Variants in LTBP1 observed in about 807,000 individuals in gnomAD.
The protein encoded by LTBP1 is latent transforming growth factor beta binding protein 1, also known as latent-transforming growth factor beta-binding protein 1.
Under a neutral mutation model 207.6 loss-of-function variants are expected in LTBP1, and 129 were observed. The observed-to-expected ratio is 0.62, with a 90% CI of 0.54 to 0.72. The LOEUF (loss-of-function observed/expected upper bound fraction) is 0.72, where lower values mean the gene tolerates loss of function less well. Among genes scored for constraint, LTBP1 ranks in the 30% least tolerant of loss-of-function variants. The pLI, the probability that LTBP1 is intolerant of heterozygous loss-of-function variation, is 0.00. For missense variants in LTBP1, 2,281 were observed against 2,217.2 expected, an observed-to-expected ratio of 1.03 and a Z score of -0.58; for synonymous variants, 963 against 833.7, an observed-to-expected ratio of 1.16 and a Z score of -2.67.
chr2:32,947,469 C>T lies in LTBP1; in HGVS notation c.145C>T (p.Pro49Ser). 6.9e-6 allele frequency: 10 copies of T among 1,444,820 alleles called. No individual in the cohort carries two copies. Among genetic ancestry groups the T allele is most frequent in the Non-Finnish European group, 8.2e-6 (9 of 1,102,246 alleles). The allele number at this position is 1,444,820 out of a possible 1,614,324, so 89.5% of individuals were successfully genotyped here. ...CGGCGCCTTGCCCCTGAGCGGGCCC[C>T]CGCGTTCGCGGACATTCAACGTCGC... is the stretch of plus-strand genomic sequence containing the variant. ...AAGALPLSGP[P>S]RSRTFNVALN... The change falls in exon 1 of 34, where the codon CCG becomes TCG. Residue 49 changes from proline (P) to serine (S), a missense_variant. Transcript: ENST00000404816.
chr2:33,220,476 G>A (rs2091031360), intron 8 of LTBP1, among the ~76,000 whole-genome samples: 1 of 152,124 alleles, frequency 6.6e-6, no homozygotes. Flanking sequence ...TTTTAAATCT[G>A]CAAATGATTT....
rs779168923 is a variant in LTBP1 at position 32,975,583 on chromosome 2, GT to G, written c.565+26676del. Among the ~76,000 whole-genome samples, 89 of 31,370 alleles carry G rather than the reference GT, an allele frequency of 2.8e-3. 1 individual carries two copies. The highest frequency in any genetic ancestry group is 0.011 in the African/African-American group (83 of 7,276). 20.6% of individuals were successfully genotyped at this position (31,370 alleles called of 152,430 possible). A position where few individuals can be genotyped will look rare whatever the true frequency, so the allele number is the denominator to read the frequency against. ...TTGTTGGAGGTTTCATTCATTCTTT[GT>G]TTTTTTTTTTTTTTTTTTTTTTTTT... is the stretch of plus-strand genomic sequence containing the variant. On this transcript the variant is annotated intron_variant, in intron 2 of 33. Coordinates refer to ENST00000404816, the MANE Select transcript of LTBP1 (RefSeq NM_206943.4).
At chr2:33,199,148 C>T (rs577962827) in intron 7 of LTBP1, among the ~76,000 whole-genome samples, 81 of 152,138 alleles carry the variant, frequency 5.3e-4, no homozygotes, top group Middle Eastern at 3.4e-3. Context: ...GCCTTCATTT[C>T]GTTATGTACC....
At chr2:33,056,465 C>G in intron 3 of LTBP1, 2 of 894,048 alleles carry the variant, frequency 2.2e-6, no homozygotes, top group South Asian at 4.2e-5. Flanking sequence ...TGCAAATTGC[C>G]AGCTGGAGGT....
At chr2:33,390,050 A>G (rs1227545304) in intron 32 of LTBP1, among the ~76,000 whole-genome samples, 2 of 152,170 alleles carry the variant, frequency 1.3e-5, no homozygotes, top group Non-Finnish European at 2.9e-5. Flanking sequence ...TTTTTCCTAC[A>G]GGGAAATGCA....
intron 3 of LTBP1, among the ~76,000 whole-genome samples, chr2:33,091,214 G>A (rs218181): frequency 0.78 from 118,796 of 152,072 alleles, 48,748 homozygotes; most frequent in East Asian, 1. Flanking sequence ...ATTGGTGGTC[G>A]TGGGGAGTGT....
intron 3 of LTBP1, among the ~76,000 whole-genome samples, chr2:33,032,190 A>G (rs1053414431): frequency 6.6e-6 from 1 of 152,174 alleles, no homozygotes; most frequent in Admixed American, 6.5e-5. Context: ...AAAGTAGGGG[A>G]TATCATTGAA....
intron 5 of LTBP1, among the ~76,000 whole-genome samples, chr2:33,150,921 G>C (rs961900183): frequency 6.6e-6 from 1 of 151,342 alleles, no homozygotes; most frequent in Admixed American, 6.6e-5. Flanking sequence ...AATGTTTTTA[G>C]TAGAGGCACG....
chr2:33,211,028 C>T (rs2090270190), intron 7 of LTBP1, among the ~76,000 whole-genome samples: 1 of 152,256 alleles, frequency 6.6e-6, no homozygotes, highest in Middle Eastern at 3.4e-3. Flanking sequence ...ATGTTCTCTA[C>T]TGAAACTTAA....
rs1264102008 is a variant in LTBP1 at position 33,100,705 on chromosome 2, C to T, written c.864-9877C>T. Among the ~76,000 whole-genome samples the T allele has an allele frequency of 2.0e-5, 3 of 152,070 alleles. No homozygotes were observed. In the East Asian group the frequency reaches 5.8e-4, roughly 29 times the overall value. On this transcript the variant is annotated intron_variant, in intron 3 of 33. Coordinates refer to ENST00000404816, the MANE Select transcript of LTBP1 (RefSeq NM_206943.4). ...TAAACAGTAATTCTCTCTCTCTCTC[C>T]CCCAACCCCTGGTGATAACCTCTAC...
intron 5 of LTBP1, among the ~76,000 whole-genome samples, chr2:33,150,877 A>C (rs1016607645): frequency 3.3e-5 from 5 of 150,998 alleles, no homozygotes; most frequent in Non-Finnish European, 5.9e-5. Context: ...CTGGGATTAC[A>C]GGCGTGCGCC....
intron 20 of LTBP1, among the ~76,000 whole-genome samples, chr2:33,295,497 A>T (rs2093857188): frequency 6.6e-6 from 1 of 152,186 alleles, no homozygotes; most frequent in African/African-American, 2.4e-5. Context: ...ACTGCACACC[A>T]GCCTGAGTGA....
chr2:33,043,581 G>C (rs2076298674), intron 3 of LTBP1, among the ~76,000 whole-genome samples: 2 of 152,008 alleles, frequency 1.3e-5, no homozygotes, highest in South Asian at 2.1e-4. Flanking sequence ...GGCTAGAATG[G>C]CCGGTTTTAG....
intron 32 of LTBP1, among the ~76,000 whole-genome samples, chr2:33,395,454 T>C (rs1276114197): frequency 6.6e-6 from 1 of 152,210 alleles, no homozygotes; most frequent in Non-Finnish European, 1.5e-5. Context: ...TACCAGTGTA[T>C]TGTTCTTACC....
At position 33,257,499 on chromosome 2, in the gene LTBP1, G is replaced by A; in HGVS notation, c.2383G>A (p.Ala795Thr). 6.2e-7 allele frequency: 1 copy of A among 1,614,050 alleles called. No homozygotes were observed. ...CTCCCGGGAACACGGGCCAGGAGTG[G>A]CGGAGCCAGAAGGTGAGAGCGGTAA... ...TFSREHGPGV[A>T]EPEVATAPPE... Residue 795 changes from alanine to threonine, a missense_variant, in exon 12 of 34, where the codon GCG becomes ACG. Ala to Thr is a moderately conservative substitution (Grantham distance 58). Coordinates refer to ENST00000404816, the MANE Select transcript of LTBP1 (RefSeq NM_206943.4).
At chr2:33,355,059 TG>T (rs1408466202) in intron 26 of LTBP1, among the ~76,000 whole-genome samples, 1 of 152,184 alleles carries the variant, frequency 6.6e-6, no homozygotes, top group Admixed American at 6.5e-5. Context: ...TGACGAGGAA[TG>T]GTTTGTACAT....
intron 26 of LTBP1, among the ~76,000 whole-genome samples, chr2:33,349,619 A>G (rs2149800818): frequency 6.6e-6 from 1 of 152,308 alleles, no homozygotes; most frequent in South Asian, 2.1e-4. Context: ...CTTTTTCAAA[A>G]CAAATGAATG....
intron 4 of LTBP1, among the ~76,000 whole-genome samples, chr2:33,125,931 G>A (rs2081408272): frequency 6.6e-6 from 1 of 152,176 alleles, no homozygotes; most frequent in African/African-American, 2.4e-5. Flanking sequence ...TCAGTTGGTT[G>A]GTTCTGGCTC....
chr2:33,146,765 TAAAC>T (rs924868352), intron 5 of LTBP1, among the ~76,000 whole-genome samples: 11 of 152,238 alleles, frequency 7.2e-5, no homozygotes, highest in African/African-American at 2.4e-4. Flanking sequence ...TACACACTTT[TAAAC>T]AACCAGATCT....
Sources: allele counts gnomAD v4.1 joint callset (sites outside exome capture counted in the v4.1 genomes callset), GRCh38; gene constraint gnomAD v4.1.1; transcripts MANE v1.5; gene names NCBI Gene and HGNC (gene_info 2026-07-23, HGNC 2026-07-21).